Variants in PREPL observed in about 807,000 individuals in gnomAD.
PREPL encodes prolyl endopeptidase-like.
PREPL carries 77 observed loss-of-function variants against 70.6 expected under a neutral mutation model. The observed-to-expected ratio is 1.09, with a 90% CI of 0.91 to 1.32. The LOEUF is 1.32. PREPL is among the 40% of genes most tolerant of loss of function. The probability of loss-of-function intolerance (pLI) is 0.00; values close to 1 mark genes in which losing one functional copy is unlikely to be tolerated. For synonymous variants in PREPL, 315 were observed against 264.8 expected, an observed-to-expected ratio of 1.19 and a Z score of -1.84; for missense variants, 1,002 against 778.2, an observed-to-expected ratio of 1.29 and a Z score of -3.42.
chr2:44,329,724 A>G (rs1673897285), intron 8 of PREPL, among the ~76,000 whole-genome samples: 1 of 152,206 alleles, frequency 6.6e-6, no homozygotes, highest in African/African-American at 2.4e-5. Flanking sequence ...GTAGGGTTAA[A>G]GTAAGTTAAA....
At position 44,319,597 on chromosome 2, in the gene PREPL, A is replaced by G. The variant is rs1464884043; in HGVS notation, c.*1759T>C. 1 of 152,606 alleles carries G rather than the reference A, an allele frequency of 6.6e-6. No homozygotes were observed. The highest frequency in any genetic ancestry group is 1.5e-5 in the Non-Finnish European group (1 of 68,362). 9.5% of individuals were successfully genotyped at this position (152,606 alleles called of 1,614,324 possible). On this transcript the variant is annotated 3_prime_UTR_variant, in exon 14 of 14. Transcript: ENST00000409411. ...TATAGCTGTAAAATAAACCCAAATC[A>G]TCTTTAATGAACACATACTATTATG...
rs373071633 is a variant in PREPL, at chr2:44,348,019, G to C, written c.-48-1629C>G. Among the ~76,000 whole-genome samples, 75 of 152,186 alleles carry C rather than the reference G, an allele frequency of 4.9e-4. No homozygotes were observed. The Middle Eastern group carries it at 0.017, about 35-fold the overall frequency. On this transcript the variant is annotated intron_variant, in intron 1 of 13. Transcript: ENST00000409411. ...ATTAGCAATAATGGTTGTTATGATA[G>C]TCTCAATCATTTAGCCTCTACTTAC...
Position 44,318,387 on chromosome 2 carries a change from G to A in PREPL, c.*2969C>T. 1 of 176,502 alleles carries A rather than the reference G, an allele frequency of 5.7e-6. No individual in the cohort carries two copies. The highest frequency in any genetic ancestry group is 6.0e-5 in the Admixed American group (1 of 16,738). 10.9% of individuals were successfully genotyped at this position (176,502 alleles called of 1,614,324 possible). A position where few individuals can be genotyped will look rare whatever the true frequency, so the allele number is the denominator to read the frequency against. ...ATTACGGGCCTGAGCCACCTTGCCT[G>A]GCCTGCAAAATTTGTTTTTAATAGA... On this transcript the variant is annotated 3_prime_UTR_variant, in exon 14 of 14. Transcript: ENST00000409411.
Position 44,346,288 on chromosome 2 carries a change from ATTC to A in PREPL, c.52_54del (p.Glu18del). 10 of 1,612,094 alleles carry A rather than the reference ATTC, an allele frequency of 6.2e-6. No individual in the cohort carries two copies. Among genetic ancestry groups the A allele is most frequent in the Non-Finnish European group, 8.5e-6 (10 of 1,179,216 alleles). ...CTTACTTCCACATTGATGATTTCATATTCTTCTTGTGGCTGTGTTTCTAATTTT... is the reference window on the plus strand; with the variant it reads ...CTTACTTCCACATTGATGATTTCATATTCTTGTGGCTGTGTTTCTAATTTT... On this transcript the variant is annotated inframe_deletion, in exon 2 of 14. Transcript: ENST00000409411.
At chr2:44,321,972 T>TC in intron 12 of PREPL, 72 bp from the exon 13 acceptor site, 1 of 1,438,684 alleles carries the variant, frequency 7.0e-7, no homozygotes. Flanking sequence ...GACCCATTCC[T>TC]CCCCTCTTCT....
At chr2:44,359,977 T>C (rs1331009386) in intron 1 of PREPL, 2 of 420,162 alleles carry the variant, frequency 4.8e-6, no homozygotes, top group African/African-American at 4.0e-5. Flanking sequence ...GTCTCATTTG[T>C]AAAGTTAATC....
chr2:44,340,305 G>A (rs1157142727), intron 5 of PREPL, among the ~76,000 whole-genome samples: 2 of 151,946 alleles, frequency 1.3e-5, no homozygotes, highest in Non-Finnish European at 2.9e-5. Context: ...TTTTAGAAAT[G>A]GAAATACTAA....
At position 44,320,294 on chromosome 2, in the gene PREPL, C is replaced by A; in HGVS notation, c.*1062G>T. ...TACTCCTCAACAGGGGCTGGTTTTG[C>A]CATTTGAGGAATGACAGCCACTATG... On this transcript the variant is annotated 3_prime_UTR_variant, in exon 14 of 14. Coordinates refer to ENST00000409411, the MANE Select transcript of PREPL (RefSeq NM_001171613.2). The A allele has an allele frequency of 6.2e-7, 1 of 1,613,994 alleles. No homozygotes were observed. Among genetic ancestry groups the A allele is most frequent in the Non-Finnish European group, 8.5e-7 (1 of 1,179,916 alleles).
Position 44,344,545 on chromosome 2 carries a change from G to T in PREPL, c.117C>A (p.Cys39Ter), listed in dbSNP as rs755542165. ...GGFVYYQEGC[C>*]LVRSKDEEAD... is the part of the protein sequence containing the mutation. ...CTTCTTCATCTTTGGAACGAACCAA[G>T]CAACAACCTTCTTGGTAATAAACAA... Residue 39 changes from cysteine to a stop codon, truncating the protein, a stop_gained, in exon 3 of 14, where the codon TGC becomes TGA. Coordinates refer to ENST00000409411, the MANE Select transcript of PREPL (RefSeq NM_001171613.2). LOFTEE classifies it high-confidence loss of function. 6 of 1,603,218 alleles carry T rather than the reference G, an allele frequency of 3.7e-6. No homozygotes were observed. Among genetic ancestry groups the T allele is most frequent in the Non-Finnish European group, 4.3e-6 (5 of 1,175,150 alleles).
At chr2:44,352,094 G>C (rs1017090450) in intron 1 of PREPL, among the ~76,000 whole-genome samples, 2 of 152,130 alleles carry the variant, frequency 1.3e-5, no homozygotes, top group African/African-American at 4.8e-5. Flanking sequence ...CCTCCTTAAA[G>C]CTATTGCTCA....
intron 7 of PREPL, among the ~76,000 whole-genome samples, chr2:44,336,139 T>C (rs1454118005): frequency 2.6e-5 from 4 of 152,210 alleles, no homozygotes; most frequent in African/African-American, 9.6e-5. Context: ...GAAAGCAGTT[T>C]GGGAATTTCT....
intron 1 of PREPL, among the ~76,000 whole-genome samples, chr2:44,360,961 CATGTCGCAGCAA>C (rs1677694054): frequency 6.6e-6 from 1 of 152,122 alleles, no homozygotes; most frequent in Admixed American, 6.5e-5. Context: ...AATCCCTTTC[CATGTCGCAGCAA>C]AATAATGGGC....
intron 1 of PREPL, among the ~76,000 whole-genome samples, chr2:44,355,173 C>T (rs1221552603): frequency 6.6e-6 from 1 of 152,190 alleles, no homozygotes; most frequent in African/African-American, 2.4e-5. Flanking sequence ...TGTTTTCTAA[C>T]AGGCTTTTGG....
chr2:44,361,000 G>T (rs933164968), intron 1 of PREPL, among the ~76,000 whole-genome samples: 1 of 152,110 alleles, frequency 6.6e-6, no homozygotes, highest in African/African-American at 2.4e-5. Flanking sequence ...GGGTAGGGGA[G>T]CAACACTAGT....
At position 44,326,715 on chromosome 2, in the gene PREPL, C is replaced by T; in HGVS notation, c.1476G>A (p.Leu492=). The change falls in exon 10 of 14, where the codon TTG becomes TTA. Residue 492 remains leucine, a synonymous_variant. Coordinates refer to ENST00000409411, the MANE Select transcript of PREPL (RefSeq NM_001171613.2). ...AGTAGAGACAGAGCGTACTCACCTCCAAAGTCACCGCTCTCACCAGCTCTG... is the reference window on the plus strand; with the variant it reads ...AGTAGAGACAGAGCGTACTCACCTCTAAAGTCACCGCTCTCACCAGCTCTG... ...SNPELVRAVT[L]EAPFLDVLNT... 1 of 1,613,026 alleles carries T rather than the reference C, an allele frequency of 6.2e-7. No homozygotes were observed. The highest frequency in any genetic ancestry group is 8.5e-7 in the Non-Finnish European group (1 of 1,179,406).
At chr2:44,337,852 A>G (rs973064525) in intron 7 of PREPL, among the ~76,000 whole-genome samples, 3 of 152,206 alleles carry the variant, frequency 2.0e-5, no homozygotes, top group African/African-American at 7.2e-5. Context: ...CCTACACTGA[A>G]AGAAACCAAA....
chr2:44,355,159 C>A (rs1375746828), intron 1 of PREPL, among the ~76,000 whole-genome samples: 3 of 152,170 alleles, frequency 2.0e-5, no homozygotes, highest in African/African-American at 7.2e-5. Context: ...TAAAAAAAAT[C>A]ATTTGTTTTC....
chr2:44,331,495 T>C (rs1249212554), intron 8 of PREPL, among the ~76,000 whole-genome samples: 2 of 151,988 alleles, frequency 1.3e-5, no homozygotes, highest in Non-Finnish European at 2.9e-5. Flanking sequence ...TGTGAGCCAC[T>C]GTGCCCGGCC....
rs1035816018 is a variant in PREPL, at chr2:44,319,399, A to T, written c.*1957T>A. The T allele has an allele frequency of 2.6e-5, 4 of 152,618 alleles. No homozygotes were observed. The highest frequency in any genetic ancestry group is 5.9e-5 in the Non-Finnish European group (4 of 68,036). 9.5% of individuals were successfully genotyped at this position (152,618 alleles called of 1,614,324 possible). ...AGTAATACAAAAATGGGGGGAGGGG[A>T]ATAAAAATACAAAATATTAGAAACA... is the stretch of plus-strand genomic sequence containing the variant. On this transcript the variant is annotated 3_prime_UTR_variant, in exon 14 of 14. Transcript: ENST00000409411.
Sources: allele counts gnomAD v4.1 joint callset (sites outside exome capture counted in the v4.1 genomes callset), GRCh38; gene constraint gnomAD v4.1.1; transcripts MANE v1.5; gene names NCBI Gene and HGNC (gene_info 2026-07-23, HGNC 2026-07-21).